Variants in SAMMSON observed in about 807,000 individuals in gnomAD.
The protein encoded by SAMMSON is survival associated mitochondrial melanoma specific oncogenic non-coding RNA.
chr3:70,352,042 A>G (rs1179489453), intron 7 of SAMMSON, among the ~76,000 whole-genome samples: 3 of 152,002 alleles, frequency 2.0e-5, no homozygotes, highest in East Asian at 1.9e-4. Flanking sequence ...GAGTCCTGAT[A>G]GGAGAGAAGA....
chr3:70,264,868 A>C (rs887509227), intron 6 of SAMMSON, among the ~76,000 whole-genome samples: 5 of 152,174 alleles, frequency 3.3e-5, no homozygotes, highest in African/African-American at 1.2e-4. Flanking sequence ...AAGACATACC[A>C]TAGACTGGGT....
intron 7 of SAMMSON, among the ~76,000 whole-genome samples, chr3:70,296,001 A>G (rs1702286310): frequency 6.6e-6 from 1 of 152,204 alleles, no homozygotes; most frequent in African/African-American, 2.4e-5. Flanking sequence ...TTGTACATGT[A>G]TTTAAAACTG....
intron 6 of SAMMSON, among the ~76,000 whole-genome samples, chr3:70,279,365 A>G (rs750453686): frequency 6.6e-5 from 10 of 152,124 alleles, no homozygotes; most frequent in Non-Finnish European, 1.3e-4. Context: ...ATTCGATTCC[A>G]ATGGTCATTT....
chr3:70,219,003 G>A (rs2106735311), intron 4 of SAMMSON, among the ~76,000 whole-genome samples: 1 of 151,526 alleles, frequency 6.6e-6, no homozygotes, highest in South Asian at 2.1e-4. Context: ...GAAAAAAAAA[G>A]TCCCCTTTAA....
intron 6 of SAMMSON, among the ~76,000 whole-genome samples, chr3:70,280,764 C>G (rs565451929): frequency 6.6e-6 from 1 of 152,060 alleles, no homozygotes; most frequent in Non-Finnish European, 1.5e-5. Flanking sequence ...GTGTAAAACC[C>G]GGCCATAGAG....
At chr3:70,195,741 C>T (rs1187481647) in intron 4 of SAMMSON, among the ~76,000 whole-genome samples, 1 of 152,058 alleles carries the variant, frequency 6.6e-6, no homozygotes, top group Non-Finnish European at 1.5e-5. Flanking sequence ...GAAATTAACA[C>T]AAAGTAATGA....
chr3:70,269,129 G>C (rs1461466453), intron 6 of SAMMSON, among the ~76,000 whole-genome samples: 2 of 151,994 alleles, frequency 1.3e-5, no homozygotes, highest in Admixed American at 1.3e-4. Context: ...ATATTTACAA[G>C]GCTGACATAT....
At chr3:70,422,093 G>C (rs1386577270) in intron 2 of SAMMSON, among the ~76,000 whole-genome samples, 2 of 150,742 alleles carry the variant, frequency 1.3e-5, no homozygotes, top group African/African-American at 4.9e-5. Flanking sequence ...TTTGTTAGAT[G>C]AGGTATGATG....
intron 3 of SAMMSON, among the ~76,000 whole-genome samples, chr3:70,040,690 G>C (rs1438118068): frequency 6.6e-6 from 1 of 152,072 alleles, no homozygotes; most frequent in African/African-American, 2.4e-5. Context: ...GGGGCACTTG[G>C]CCATTGCATC....
rs776695083 is a variant in SAMMSON, at chr3:70,328,645, G to C, written n.740-25530G>C. Among the ~76,000 whole-genome samples, 60 of 152,068 alleles carry C rather than the reference G, an allele frequency of 3.9e-4. 1 individual carries two copies. The highest frequency in any genetic ancestry group is 5.9e-4 in the Admixed American group (9 of 15,238). On this transcript the variant is annotated intron_variant and non_coding_transcript_variant, in intron 7 of 9. Coordinates refer to ENST00000642114, the Ensembl canonical transcript of SAMMSON. ...AAAAACACAGATTTTAAAAATGACT[G>C]AAAAATAAGGAATTGGGCATCAGTG...
chr3:70,322,001 T>A (rs1274400436), intron 7 of SAMMSON, among the ~76,000 whole-genome samples: 1 of 152,064 alleles, frequency 6.6e-6, no homozygotes. Context: ...ATTACAGAAA[T>A]AACAGCATAG....
chr3:70,112,309 T>A (rs192777506), intron 4 of SAMMSON, among the ~76,000 whole-genome samples: 13 of 152,226 alleles, frequency 8.5e-5, no homozygotes, highest in African/African-American at 3.1e-4. Context: ...GAACTATCAA[T>A]GTACAATTAC....
intron 2 of SAMMSON, among the ~76,000 whole-genome samples, chr3:70,396,498 T>C (rs1701094314): frequency 6.6e-6 from 1 of 152,172 alleles, no homozygotes; most frequent in Non-Finnish European, 1.5e-5. Flanking sequence ...CCACACACTA[T>C]GTAACATACA....
chr3:70,304,139 C>G (rs1181870999), intron 7 of SAMMSON, among the ~76,000 whole-genome samples: 1 of 152,184 alleles, frequency 6.6e-6, no homozygotes, highest in Non-Finnish European at 1.5e-5. Context: ...GCCAAGCTCT[C>G]TACACTCATG....
rs564518149 is a variant in SAMMSON, at chr3:70,175,888, C to G, written n.508-73219C>G. On this transcript the variant is annotated intron_variant and non_coding_transcript_variant, in intron 4 of 9. Coordinates refer to ENST00000642114, the Ensembl canonical transcript of SAMMSON. ...TTTAAGGTGAGGTGTCCTGACCACT[C>G]GTGGTTGGCTTTACATGGGGCCACC... Among the ~76,000 whole-genome samples the G allele has an allele frequency of 9.2e-5, 14 of 152,166 alleles. No homozygotes were observed. The South Asian group carries it at 2.9e-3, about 32-fold the overall frequency.
intron 3 of SAMMSON, among the ~76,000 whole-genome samples, chr3:70,052,529 T>C (rs750883482): frequency 1.4e-4 from 21 of 152,120 alleles, no homozygotes; most frequent in Non-Finnish European, 2.5e-4. Context: ...GCTACTAAAA[T>C]AGTAGCAAAA....
intron 4 of SAMMSON, among the ~76,000 whole-genome samples, chr3:70,106,341 C>CTT (rs770411041): frequency 2.9e-5 from 4 of 137,574 alleles, no homozygotes; most frequent in African/African-American, 2.7e-5. Flanking sequence ...TGAGAATCTG[C>CTT]TTTTTTTTTT....
At chr3:70,092,919 T>G (rs529319342) in intron 4 of SAMMSON, among the ~76,000 whole-genome samples, 1 of 151,672 alleles carries the variant, frequency 6.6e-6, no homozygotes, top group Admixed American at 6.6e-5. Context: ...TTTTTTTGTT[T>G]TTTTTTTCCA....
chr3:70,237,075 CG>C (rs5849943), intron 4 of SAMMSON, among the ~76,000 whole-genome samples: 80,570 of 151,966 alleles, frequency 0.53, 21,712 homozygotes, highest in East Asian at 0.81. Flanking sequence ...TATTTGGTTC[CG>C]TATTATCAGT....
Sources: allele counts gnomAD v4.1 joint callset (sites outside exome capture counted in the v4.1 genomes callset), GRCh38; gene constraint gnomAD v4.1.1; transcripts MANE v1.5; gene names NCBI Gene and HGNC (gene_info 2026-07-23, HGNC 2026-07-21).